Variants in OSGIN1 observed in about 807,000 individuals in gnomAD.
OSGIN1 encodes oxidative stress-induced growth inhibitor 1.
A neutral mutation model predicts 20.1 loss-of-function variants in OSGIN1; 19 were observed. The ratio of observed to expected loss-of-function variants is 0.95; its 90% CI spans 0.66 to 1.39. The LOEUF (loss-of-function observed/expected upper bound fraction) is 1.39. Ranked by LOEUF, OSGIN1 falls within the 40% of genes most tolerant of loss-of-function variation. OSGIN1 has a pLI of 0.00. For missense variants in OSGIN1, 820 were observed against 653.0 expected, an observed-to-expected ratio of 1.26 and a Z score of -2.79; for synonymous variants, 368 against 297.8, an observed-to-expected ratio of 1.24 and a Z score of -2.43.
chr16:83,964,218 C>A (rs2084249423), intron 5 of OSGIN1, among the ~76,000 whole-genome samples: 2 of 152,152 alleles, frequency 1.3e-5, no homozygotes, highest in Admixed American at 1.3e-4. Context: ...GTATGAGAAT[C>A]ACCTGAGCCC....
At chr16:83,964,310 T>TAATAAAA (rs561845625) in intron 5 of OSGIN1, among the ~76,000 whole-genome samples, 31 of 151,246 alleles carry the variant, frequency 2.0e-4, no homozygotes, top group African/African-American at 6.3e-4. Flanking sequence ...TCTCAAAAAA[T>TAATAAAA]TAAAATAAAA....
intron 1 of OSGIN1, among the ~76,000 whole-genome samples, chr16:83,956,108 A>G (rs1233368671): frequency 6.6e-6 from 1 of 152,122 alleles, no homozygotes. Context: ...GCTTAGATGC[A>G]ACCTCCTTGC....
chr16:83,956,376 A>G (rs1429994888), intron 1 of OSGIN1, among the ~76,000 whole-genome samples: 1 of 152,230 alleles, frequency 6.6e-6, no homozygotes, highest in African/African-American at 2.4e-5. Flanking sequence ...TCATTCACAT[A>G]GAAATCCAGA....
chr16:83,956,590 G>A (rs1166628101), intron 1 of OSGIN1, among the ~76,000 whole-genome samples: 1 of 152,218 alleles, frequency 6.6e-6, no homozygotes, highest in East Asian at 1.9e-4. Flanking sequence ...AAAGCCAGCT[G>A]TGTGACACTG....
intron 5 of OSGIN1, 99 bp from the exon 6 acceptor site, chr16:83,964,963 A>G (rs2084257881): frequency 1.3e-6 from 1 of 797,486 alleles, no homozygotes; most frequent in African/African-American, 1.7e-5. Context: ...AGCCTAGTCC[A>G]GCTCCAGGGC....
chr16:83,954,059 G>C (rs1429469528), intron 1 of OSGIN1: 1 of 152,384 alleles, frequency 6.6e-6, no homozygotes, highest in Admixed American at 6.5e-5. Context: ...TTTACTGGAG[G>C]GGACTTGGCA....
In OSGIN1 at chr16:83,965,050, C is replaced by T; in HGVS notation, c.489-12C>T. On this transcript the variant is annotated splice_polypyrimidine_tract_variant and intron_variant, in intron 5 of 5. Transcript: ENST00000393306. Reference sequence around the variant, plus strand: ...AGTGTCTGACTCTGGCGTCCTGCATCCTCCCCAACAGAGGTCTTCGCAACA... The same window carrying T: ...AGTGTCTGACTCTGGCGTCCTGCATTCTCCCCAACAGAGGTCTTCGCAACA... The T allele has an allele frequency of 1.5e-6, 2 of 1,361,814 alleles. No homozygotes were observed. Among genetic ancestry groups the T allele is most frequent in the Non-Finnish European group, 2.0e-6 (2 of 1,007,752 alleles). 84.4% of individuals were successfully genotyped at this position (1,361,814 alleles called of 1,614,324 possible).
chr16:83,961,530 C>CT (rs1364202459), intron 5 of OSGIN1, among the ~76,000 whole-genome samples: 1 of 152,284 alleles, frequency 6.6e-6, no homozygotes, highest in East Asian at 1.9e-4. Context: ...TGACTTTTCC[C>CT]TTTAGCTTAG....
At chr16:83,955,060 C>G (rs1284959381) in intron 1 of OSGIN1, among the ~76,000 whole-genome samples, 1 of 152,218 alleles carries the variant, frequency 6.6e-6, no homozygotes, top group Non-Finnish European at 1.5e-5. Context: ...TAGCCTTAGT[C>G]TCCTCATCTG....
chr16:83,954,781 G>A (rs907340233), intron 1 of OSGIN1: 1 of 982,256 alleles, frequency 1.0e-6, no homozygotes, highest in Non-Finnish European at 1.2e-6. Context: ...TCTGCTGCCT[G>A]CAAAGGGTGG....
At chr16:83,958,325 G>A (rs1453440486) in intron 2 of OSGIN1, among the ~76,000 whole-genome samples, 3 of 152,096 alleles carry the variant, frequency 2.0e-5, no homozygotes, top group African/African-American at 7.2e-5. Context: ...AGCTGGAGGC[G>A]ACCCGGCGTG....
intron 1 of OSGIN1, among the ~76,000 whole-genome samples, chr16:83,955,474 C>T (rs1446112218): frequency 3.9e-5 from 6 of 152,184 alleles, no homozygotes; most frequent in African/African-American, 4.8e-5. Flanking sequence ...TGGAGCAGGG[C>T]GGCCTGGGCT....
In OSGIN1 at chr16:83,965,454, G is replaced by C; in HGVS notation, c.881G>C (p.Gly294Ala). 1 of 1,599,824 alleles carries C rather than the reference G, an allele frequency of 6.3e-7. No individual in the cohort carries two copies. The highest frequency in any genetic ancestry group is 8.5e-7 in the Non-Finnish European group (1 of 1,176,824). The change falls in exon 6 of 6, where the codon GGG (glycine) becomes GCG (alanine). Residue 294 changes from glycine (G) to alanine (A), a missense_variant. By Grantham distance (60) the Gly-to-Ala change is moderately conservative (BLOSUM62 0). Coordinates refer to ENST00000393306, the MANE Select transcript of OSGIN1 (RefSeq NM_182981.3). ...ASDPVLIIGAGLSAADAVLYA... is the reference protein window; with the variant it reads ...ASDPVLIIGAALSAADAVLYA... ...GACCCTGTCCTCATCATTGGCGCGG[G>C]GCTGTCAGCGGCCGACGCGGTCCTC... is the stretch of plus-strand genomic sequence containing the variant.
At chr16:83,964,239 G>A (rs565659252) in intron 5 of OSGIN1, among the ~76,000 whole-genome samples, 1 of 152,238 alleles carries the variant, frequency 6.6e-6, no homozygotes, top group East Asian at 1.9e-4. Context: ...GGGAGGCAGG[G>A]GCTGCAGCGA....
chr16:83,964,410 A>T (rs191043027), intron 5 of OSGIN1, among the ~76,000 whole-genome samples: 1 of 152,200 alleles, frequency 6.6e-6, no homozygotes, highest in Non-Finnish European at 1.5e-5. Flanking sequence ...TTCTCAAGGT[A>T]AGCACAGAGA....
At position 83,960,764 on chromosome 16, in the gene OSGIN1, A is replaced by G; in HGVS notation, c.396+4A>G. ...CCTCCCCGGGGGAGCCTGGCACGTG[A>G]GTGGGGCAGCGAGGGCATGGCTTGT... On this transcript the variant is annotated splice_donor_region_variant and intron_variant, in intron 4 of 5. Transcript: ENST00000393306. The G allele has an allele frequency of 6.2e-7, 1 of 1,612,574 alleles. No individual in the cohort carries two copies. Among genetic ancestry groups the G allele is most frequent in the Non-Finnish European group, 8.5e-7 (1 of 1,179,690 alleles).
intron 1 of OSGIN1, among the ~76,000 whole-genome samples, chr16:83,954,959 T>A (rs1300904602): frequency 6.6e-6 from 1 of 152,170 alleles, no homozygotes; most frequent in African/African-American, 2.4e-5. Flanking sequence ...GTGAAGGGGC[T>A]GGGGTGCCTG....
chr16:83,957,353 G>C (rs998164314), intron 1 of OSGIN1, among the ~76,000 whole-genome samples: 12 of 152,150 alleles, frequency 7.9e-5, no homozygotes, highest in African/African-American at 2.9e-4. Context: ...GCCCCAGTGA[G>C]ATGGGAGAGT....
In OSGIN1 at chr16:83,965,482, C is replaced by T. The variant is rs141076493; in HGVS notation, c.909C>T (p.Tyr303=). The change falls in exon 6 of 6, where the codon TAC becomes TAT. Residue 303 remains tyrosine, a synonymous_variant. Transcript: ENST00000393306. ...AGLSAADAVL[Y]ARHYNIPVIH... ...TGTCAGCGGCCGACGCGGTCCTCTA[C>T]GCCCGCCACTACAACATCCCGGTGA... is the stretch of plus-strand genomic sequence containing the variant. The T allele has an allele frequency of 2.2e-4, 356 of 1,608,242 alleles. 1 individual carries two copies. In the African/African-American group the frequency reaches 4.1e-3, roughly 19 times the overall value.
Sources: gnomAD v4.1 joint callset for allele counts (sites outside exome capture counted in the v4.1 genomes callset) on GRCh38, gnomAD v4.1.1 for gene constraint, MANE v1.5 for transcripts, NCBI Gene and HGNC (gene_info 2026-07-23, HGNC 2026-07-21) for gene names.